The following ZDHHC13 variants were observed in gnomAD, a reference collection of about 807,000 sequenced individuals.
The protein encoded by ZDHHC13 is palmitoyltransferase ZDHHC13.
In ZDHHC13, 85 loss-of-function variants were observed where a neutral mutation model predicts 86.0. The observed-to-expected ratio is 0.99, with a 90% CI of 0.83 to 1.18. The LOEUF (loss-of-function observed/expected upper bound fraction) is 1.18. Among genes scored for constraint, ZDHHC13 ranks in the 50% most tolerant of loss-of-function variants. The probability of loss-of-function intolerance (pLI) is 0.00; values close to 1 mark genes in which losing one functional copy is unlikely to be tolerated. For missense variants in ZDHHC13, 711 were observed against 730.2 expected, an observed-to-expected ratio of 0.97 and a Z score of 0.30; for synonymous variants, 263 against 246.4, an observed-to-expected ratio of 1.07 and a Z score of -0.63.
intron 8 of ZDHHC13, among the ~76,000 whole-genome samples, chr11:19,154,164 A>T (rs1469986068): frequency 6.6e-6 from 1 of 152,184 alleles, no homozygotes; most frequent in Non-Finnish European, 1.5e-5. Context: ...TATCTTCCCC[A>T]GCTAGAATTT....
intron 14 of ZDHHC13, chr11:19,167,547 A>G (rs1850105352): frequency 6.6e-6 from 1 of 152,130 alleles, no homozygotes; most frequent in Non-Finnish European, 1.5e-5. Flanking sequence ...ACTAGTATCT[A>G]TGTGTAATGA....
chr11:19,170,375 C>CTTTTTTTT (rs55637113), intron 14 of ZDHHC13, 36 bp from the exon 15 acceptor site: 49 of 1,235,144 alleles, frequency 4.0e-5, no homozygotes, highest in Middle Eastern at 2.2e-4. Context: ...AGTTTATTGC[C>CTTTTTTTT]TTTTTTTTTT....
chr11:19,174,657 G>A lies in ZDHHC13; in HGVS notation c.1731-1165G>A, dbSNP rs115729664. Among the ~76,000 whole-genome samples the A allele has an allele frequency of 3.9e-3, 592 of 152,344 alleles. 4 individuals are homozygous for A. Among genetic ancestry groups the A allele is most frequent in the African/African-American group, 0.014 (571 of 41,582 alleles). On this transcript the variant is annotated intron_variant, in intron 16 of 16. Coordinates refer to ENST00000446113, the MANE Select transcript of ZDHHC13 (RefSeq NM_019028.3). Reference sequence around the variant, plus strand: ...AACTGGAATAGATAGTGGTACTTCCGAAATTTAATGGAGAAAAAATGATGC... The same window carrying A: ...AACTGGAATAGATAGTGGTACTTCCAAAATTTAATGGAGAAAAAATGATGC...
chr11:19,160,020 C>T (rs11025038), intron 10 of ZDHHC13, among the ~76,000 whole-genome samples: 3 of 152,120 alleles, frequency 2.0e-5, no homozygotes, highest in African/African-American at 7.2e-5. Flanking sequence ...ACTTCTCTTT[C>T]TGGTAATAGC....
At chr11:19,118,367 G>T (rs1388817965) in intron 1 of ZDHHC13, among the ~76,000 whole-genome samples, 1 of 152,214 alleles carries the variant, frequency 6.6e-6, no homozygotes, top group African/African-American at 2.4e-5. Flanking sequence ...CTGGGGAAAT[G>T]TCAAGGTGTT....
At chr11:19,153,038 G>A (rs1041452101) in intron 8 of ZDHHC13, among the ~76,000 whole-genome samples, 1 of 152,086 alleles carries the variant, frequency 6.6e-6, no homozygotes, top group African/African-American at 2.4e-5. Flanking sequence ...TGTAGGAATA[G>A]TTTATTCCTT....
chr11:19,166,488 C>A, intron 14 of ZDHHC13, 103 bp downstream of exon 14: 2 of 873,556 alleles, frequency 2.3e-6, no homozygotes, highest in South Asian at 1.8e-5. Flanking sequence ...GACTATAAAC[C>A]ATACTCCTAA....
At chr11:19,137,937 T>TG (rs1227526334) in intron 1 of ZDHHC13, among the ~76,000 whole-genome samples, 1 of 150,620 alleles carries the variant, frequency 6.6e-6, no homozygotes, top group East Asian at 2.0e-4. Flanking sequence ...TTTATAGCAC[T>TG]AAATGCCCAC....
At chr11:19,118,252 CCTGAT>C (rs1200131013) in intron 1 of ZDHHC13, among the ~76,000 whole-genome samples, 1 of 152,194 alleles carries the variant, frequency 6.6e-6, no homozygotes, top group Non-Finnish European at 1.5e-5. Flanking sequence ...GATTGGATTA[CCTGAT>C]CTCTAAAAAC....
intron 14 of ZDHHC13, chr11:19,168,752 C>T: frequency 2.1e-6 from 2 of 967,682 alleles, no homozygotes; most frequent in Non-Finnish European, 2.5e-6. Context: ...GAGCCCTGCT[C>T]TATACTCTCC....
At chr11:19,146,051 G>C (rs964734939) in intron 2 of ZDHHC13, 130 bp from the exon 3 acceptor site, 1 of 984,744 alleles carries the variant, frequency 1.0e-6, no homozygotes, top group Non-Finnish European at 1.5e-6. Flanking sequence ...GCATGTCTTT[G>C]TTAATTATTA....
At position 19,143,129 on chromosome 11, in the gene ZDHHC13, T is replaced by C. The variant is rs1276886735; in HGVS notation, c.173+6T>C. 1 of 1,609,480 alleles carries C rather than the reference T, an allele frequency of 6.2e-7. No homozygotes were observed. Among genetic ancestry groups the C allele is most frequent in the African/African-American group, 1.3e-5 (1 of 74,778 alleles). ...GACATTGTCAAAGCTACTCAGTAAG[T>C]CTTCCAAATGCTTTGGTTTATCCTT... On this transcript the variant is annotated splice_donor_region_variant and intron_variant, in intron 2 of 16. Transcript: ENST00000446113.
chr11:19,164,250 A>T, intron 11 of ZDHHC13, 51 bp from the exon 12 acceptor site: 1 of 1,579,100 alleles, frequency 6.3e-7, no homozygotes, highest in Non-Finnish European at 8.7e-7. Flanking sequence ...AACCATGCAT[A>T]ATACATTTTC....
intron 10 of ZDHHC13, among the ~76,000 whole-genome samples, chr11:19,160,369 G>T (rs1489803871): frequency 6.6e-6 from 1 of 151,372 alleles, no homozygotes; most frequent in African/African-American, 2.4e-5. Context: ...CTTAATGAAG[G>T]CTTGGATGAT....
At chr11:19,142,887 T>C (rs1016010940) in intron 1 of ZDHHC13, 91 bp from the exon 2 acceptor site, 3 of 1,318,312 alleles carry the variant, frequency 2.3e-6, no homozygotes, top group Non-Finnish European at 3.0e-6. Context: ...TTTATTAATA[T>C]AGATATTGTT....
chr11:19,165,043 C>T lies in ZDHHC13; in HGVS notation c.1297-9C>T. ...TTTTTGCTTAGGCCTCTCTTAATTG[C>T]CCACTTAGATAAGGAAGCCATTAAG... On this transcript the variant is annotated splice_polypyrimidine_tract_variant and intron_variant, in intron 12 of 16. Coordinates refer to ENST00000446113, the MANE Select transcript of ZDHHC13 (RefSeq NM_019028.3). 1 of 1,610,308 alleles carries T rather than the reference C, an allele frequency of 6.2e-7. No homozygotes were observed. The highest frequency in any genetic ancestry group is 8.5e-7 in the Non-Finnish European group (1 of 1,178,080).
At chr11:19,126,419 C>T (rs1230476449) in intron 1 of ZDHHC13, among the ~76,000 whole-genome samples, 1 of 147,896 alleles carries the variant, frequency 6.8e-6, no homozygotes, top group Non-Finnish European at 1.5e-5. Context: ...TCACTGCAAC[C>T]TCTGCCTCCC....
At chr11:19,151,137 C>G (rs1590078974) in intron 6 of ZDHHC13, among the ~76,000 whole-genome samples, 1 of 152,024 alleles carries the variant, frequency 6.6e-6, no homozygotes, top group Admixed American at 6.6e-5. Context: ...TAAATGTTCT[C>G]ATAATTTGAA....
At chr11:19,119,644 G>A (rs1042811206) in intron 1 of ZDHHC13, among the ~76,000 whole-genome samples, 1 of 152,136 alleles carries the variant, frequency 6.6e-6, no homozygotes, top group African/African-American at 2.4e-5. Flanking sequence ...CTCCTTCCTT[G>A]CTTTAGATTT....
Sources: gnomAD v4.1 joint callset for allele counts (sites outside exome capture counted in the v4.1 genomes callset) on GRCh38, gnomAD v4.1.1 for gene constraint, MANE v1.5 for transcripts, NCBI Gene and HGNC (gene_info 2026-07-23, HGNC 2026-07-21) for gene names.